Variants in LRP1B observed in about 807,000 individuals in gnomAD.
LRP1B encodes the protein LDL receptor related protein 1B.
Under a neutral mutation model 556.6 loss-of-function variants are expected in LRP1B, and 217 were observed. The observed-to-expected ratio is 0.39, with a 90% CI of 0.35 to 0.44. The LOEUF is 0.44. Ranked by LOEUF, LRP1B falls within the 20% of genes least tolerant of loss-of-function variation. The probability of loss-of-function intolerance (pLI) is 1.00; values close to 1 mark genes in which losing one functional copy is unlikely to be tolerated. For missense variants in LRP1B, 5,053 were observed against 5,620.8 expected (o/e 0.90, Z 3.23); for synonymous variants, 2,047 against 1,865.8 (o/e 1.10, Z -2.50).
intron 2 of LRP1B, among the ~76,000 whole-genome samples, chr2:141,631,597 T>G (rs963499909): frequency 6.6e-6 from 1 of 151,458 alleles, no homozygotes; most frequent in Admixed American, 6.6e-5. Flanking sequence ...GGGCCTGGTT[T>G]ACCTGAGCCA....
At chr2:140,867,508 A>G in intron 27 of LRP1B, 82 bp downstream of exon 27, 2 of 1,392,562 alleles carry the variant, frequency 1.4e-6, no homozygotes, top group African/African-American at 1.5e-5. Context: ...AACTTATAGA[A>G]GTTATTTTAT....
At chr2:140,738,701 TCA>T (rs1688032323) in intron 35 of LRP1B, among the ~76,000 whole-genome samples, 1 of 152,262 alleles carries the variant, frequency 6.6e-6, no homozygotes, top group African/African-American at 2.4e-5. Flanking sequence ...TCAGTGTGTA[TCA>T]CAGTCCATCA....
At chr2:140,576,972 T>C (rs1681550951) in intron 43 of LRP1B, among the ~76,000 whole-genome samples, 1 of 152,214 alleles carries the variant, frequency 6.6e-6, no homozygotes, top group Non-Finnish European at 1.5e-5. Flanking sequence ...CTGATTCCTT[T>C]TTTTTCAATG....
In LRP1B at chr2:140,528,511, A is replaced by G. The variant is rs143596358; in HGVS notation, c.7763-2161T>C. Among the ~76,000 whole-genome samples the G allele has an allele frequency of 9.6e-3, 1,457 of 152,062 alleles. 20 individuals are homozygous for G. The highest frequency in any genetic ancestry group is 0.031 in the African/African-American group (1,286 of 41,528). On this transcript the variant is annotated intron_variant, in intron 47 of 90. Transcript: ENST00000389484. ...TGTATTTTTTTTTTCCTATTTTCCA[A>G]AATAACAATAGGGCTAATGAATCTT... is the stretch of plus-strand genomic sequence containing the variant.
chr2:141,894,863 A>G (rs1699398168), intron 1 of LRP1B, among the ~76,000 whole-genome samples: 2 of 151,890 alleles, frequency 1.3e-5, no homozygotes, highest in Non-Finnish European at 1.5e-5. Context: ...CAGCCTGACC[A>G]ATATGGAGAA....
chr2:140,257,621 C>T (rs1175137313), intron 86 of LRP1B, among the ~76,000 whole-genome samples: 6 of 152,294 alleles, frequency 3.9e-5, no homozygotes, highest in Non-Finnish European at 7.3e-5. Flanking sequence ...TAACCTACGA[C>T]CTCTTACCTA....
intron 3 of LRP1B, among the ~76,000 whole-genome samples, chr2:141,287,582 A>G (rs1317565839): frequency 2.0e-5 from 3 of 152,112 alleles, no homozygotes; most frequent in African/African-American, 7.2e-5. Context: ...CATTTAAAAT[A>G]TTTCTGATTT....
At position 141,561,364 on chromosome 2, in the gene LRP1B, G is replaced by C. The variant is rs546655634; in HGVS notation, c.206-80831C>G. Among the ~76,000 whole-genome samples the C allele has an allele frequency of 8.6e-5, 13 of 151,790 alleles. No homozygotes were observed. The South Asian group carries it at 1.2e-3, about 15-fold the overall frequency. ...AGATTAATATTACAGAGAAAGGTCT[G>C]GGCCTATTTTATCTCTATTTGTTGG... is the stretch of plus-strand genomic sequence containing the variant. On this transcript the variant is annotated intron_variant, in intron 2 of 90. Coordinates refer to ENST00000389484, the MANE Select transcript of LRP1B (RefSeq NM_018557.3).
At chr2:141,097,624 C>A (rs990899585) in intron 7 of LRP1B, among the ~76,000 whole-genome samples, 17 of 152,062 alleles carry the variant, frequency 1.1e-4, no homozygotes, top group Non-Finnish European at 2.5e-4. Flanking sequence ...GTGGAAGCAA[C>A]TTGCCTTTTT....
chr2:140,341,837 T>C (rs1051393364), intron 77 of LRP1B, among the ~76,000 whole-genome samples: 1 of 151,334 alleles, frequency 6.6e-6, no homozygotes, highest in Non-Finnish European at 1.5e-5. Flanking sequence ...GGACATACGA[T>C]GATCAGGTTA....
At chr2:141,901,238 A>G (rs545658738) in intron 1 of LRP1B, among the ~76,000 whole-genome samples, 4 of 152,126 alleles carry the variant, frequency 2.6e-5, no homozygotes, top group Admixed American at 6.6e-5. Context: ...GCAGAAGCTG[A>G]AACAAAATAT....
intron 35 of LRP1B, among the ~76,000 whole-genome samples, chr2:140,728,278 T>G (rs1687661794): frequency 6.6e-6 from 1 of 152,184 alleles, no homozygotes; most frequent in South Asian, 2.1e-4. Flanking sequence ...TGTGCTGTTT[T>G]GCACATACAA....
At chr2:140,645,800 A>T (rs1246416247) in intron 41 of LRP1B, among the ~76,000 whole-genome samples, 2 of 151,832 alleles carry the variant, frequency 1.3e-5, no homozygotes. Context: ...GGCCTCCCAA[A>T]GTGCTGGGAT....
rs542674701 is a variant in LRP1B at position 141,899,224 on chromosome 2, G to T, written c.83-88823C>A. The stretch of plus-strand genomic sequence containing the variant: ...CATCCAGCTTTAATTGAGACTGCTT[G>T]TACGCTGATGGAATCTGCTAGTTAA... On this transcript the variant is annotated intron_variant, in intron 1 of 90. Transcript: ENST00000389484. Among the ~76,000 whole-genome samples the T allele has an allele frequency of 2.3e-4, 35 of 152,256 alleles. No homozygotes were observed. The South Asian group carries it at 6.8e-3, about 30-fold the overall frequency.
intron 2 of LRP1B, among the ~76,000 whole-genome samples, chr2:141,738,495 C>T (rs988962729): frequency 5.9e-5 from 9 of 151,806 alleles, no homozygotes; most frequent in Non-Finnish European, 1.3e-4. Flanking sequence ...GAACAGCATG[C>T]GACAAGTAAG....
At chr2:140,791,681 A>T (rs1690126052) in intron 32 of LRP1B, among the ~76,000 whole-genome samples, 1 of 152,164 alleles carries the variant, frequency 6.6e-6, no homozygotes, top group East Asian at 1.9e-4. Flanking sequence ...AAGGAGCCAT[A>T]ATAGACAATG....
intron 43 of LRP1B, among the ~76,000 whole-genome samples, chr2:140,567,658 C>G (rs1681175440): frequency 6.6e-6 from 1 of 152,238 alleles, no homozygotes; most frequent in South Asian, 2.1e-4. Flanking sequence ...AGCCTATGAC[C>G]CAGGCTCCAT....
At chr2:141,787,859 C>T (rs368746177) in intron 2 of LRP1B, among the ~76,000 whole-genome samples, 3 of 151,830 alleles carry the variant, frequency 2.0e-5, no homozygotes, top group African/African-American at 4.8e-5. Flanking sequence ...ATATAGTAGC[C>T]TTTCTCATTA....
chr2:140,568,616 T>A (rs1051829042), intron 43 of LRP1B, among the ~76,000 whole-genome samples: 3 of 152,096 alleles, frequency 2.0e-5, no homozygotes, highest in African/African-American at 7.2e-5. Context: ...ATATAAACAG[T>A]CAGATTCAGG....
Sources: gnomAD v4.1 joint callset for allele counts (sites outside exome capture counted in the v4.1 genomes callset) on GRCh38, gnomAD v4.1.1 for gene constraint, MANE v1.5 for transcripts, NCBI Gene and HGNC (gene_info 2026-07-23, HGNC 2026-07-21) for gene names.